Variants in USP24 observed in about 807,000 individuals in gnomAD.
The protein encoded by USP24 is ubiquitin carboxyl-terminal hydrolase 24.
Under a neutral mutation model 361.6 loss-of-function variants are expected in USP24, and 97 were observed. The observed-to-expected ratio is 0.27, with a 90% CI of 0.23 to 0.32. USP24 has a LOEUF of 0.32. USP24 is among the 10% of genes least tolerant of loss of function. The pLI is 1.00. For missense variants in USP24, 2,353 were observed against 3,165.6 expected, an observed-to-expected ratio of 0.74 and a Z score of 6.16; for synonymous variants, 1,098 against 1,124.6, an observed-to-expected ratio of 0.98 and a Z score of 0.47.
chr1:55,085,838 G>A, intron 56 of USP24, 104 bp downstream of exon 56: 4 of 1,192,512 alleles, frequency 3.4e-6, no homozygotes, highest in East Asian at 2.4e-5. Flanking sequence ...TATTTATGTG[G>A]CAAAATTACC....
intron 3 of USP24, among the ~76,000 whole-genome samples, chr1:55,175,638 T>C (rs1188681544): frequency 2.6e-5 from 4 of 152,170 alleles, no homozygotes; most frequent in Admixed American, 2.6e-4. Context: ...AGCAAAAGAA[T>C]CATTCATTGC....
intron 67 of USP24, chr1:55,071,207 A>T (rs1644912553): frequency 1.0e-6 from 1 of 987,076 alleles, no homozygotes; most frequent in South Asian, 4.7e-5. Context: ...ACCACAGAGG[A>T]GACTGCTGTT....
Position 55,101,700 on chromosome 1 carries a change from G to A in USP24, c.5029C>T (p.Leu1677Phe). ...CTGGACCTGCTATCCACTGGGGGAA[G>A]GTACTGGAAAAGAGAGGAATAGAAA... is the stretch of plus-strand genomic sequence containing the variant. ...DPALTKEFDY[L>F]PPVDSRSSSG... The change falls in exon 43 of 68, where the codon CTT becomes TTT. Residue 1677 changes from leucine (L) to phenylalanine (F), a missense_variant. Physicochemically the swap from Leu to Phe is conservative, Grantham distance 22 (BLOSUM62 0). Around this residue, in one of 8 missense-constraint regions of USP24, gnomAD observed 949 missense variants for 1,280.5 expected, o/e 0.74. Transcript: ENST00000294383. 1 of 1,602,032 alleles carries A rather than the reference G, an allele frequency of 6.2e-7. No individual in the cohort carries two copies. Among genetic ancestry groups the A allele is most frequent in the South Asian group, 1.1e-5 (1 of 88,214 alleles).
chr1:55,100,795 AAT>A, intron 44 of USP24, 42 bp downstream of exon 44: 1 of 1,545,328 alleles, frequency 6.5e-7, no homozygotes, highest in Non-Finnish European at 8.7e-7. Context: ...AATGTAGCCA[AAT>A]ATTTAACATC....
chr1:55,110,083 A>G, intron 39 of USP24, 102 bp downstream of exon 39: 1 of 974,040 alleles, frequency 1.0e-6, no homozygotes, highest in Non-Finnish European at 1.5e-6. Flanking sequence ...TTGTAATTGT[A>G]TTTACACCTG....
intron 19 of USP24, among the ~76,000 whole-genome samples, 178 bp downstream of exon 19, chr1:55,146,751 C>T (rs1022439813): frequency 3.9e-5 from 6 of 152,094 alleles, no homozygotes; most frequent in African/African-American, 9.7e-5. Flanking sequence ...AGAACTCATA[C>T]ATTTATTTTT....
At chr1:55,214,302 G>T (rs1644925960) in intron 1 of USP24, among the ~76,000 whole-genome samples, 1 of 151,544 alleles carries the variant, frequency 6.6e-6, no homozygotes, top group South Asian at 2.1e-4. Context: ...GGCCCACACC[G>T]CTTTTTCTGA....
intron 64 of USP24, 110 bp downstream of exon 64, chr1:55,073,718 A>T: frequency 9.7e-7 from 1 of 1,035,036 alleles, no homozygotes; most frequent in Non-Finnish European, 1.5e-6. Flanking sequence ...GCAGGCCCTG[A>T]CTGAGTCAGA....
At chr1:55,078,447 G>T in intron 61 of USP24, 91 bp downstream of exon 61, 1 of 911,420 alleles carries the variant, frequency 1.1e-6, no homozygotes, top group Non-Finnish European at 1.6e-6. Context: ...TAGGCTATGA[G>T]AACAAGCATA....
At chr1:55,201,661 T>C (rs1244283923) in intron 1 of USP24, among the ~76,000 whole-genome samples, 2 of 117,718 alleles carry the variant, frequency 1.7e-5, no homozygotes, top group African/African-American at 7.0e-5. Context: ...AAAGGAACAA[T>C]GCCAATGCAA....
intron 1 of USP24, among the ~76,000 whole-genome samples, chr1:55,181,692 C>T (rs1643971199): frequency 6.6e-6 from 1 of 152,072 alleles, no homozygotes; most frequent in Non-Finnish European, 1.5e-5. Flanking sequence ...ATAAAATCAT[C>T]AAATGTACTC....
intron 21 of USP24, among the ~76,000 whole-genome samples, chr1:55,143,815 G>C (rs756594076): frequency 6.6e-6 from 1 of 152,072 alleles, no homozygotes; most frequent in Non-Finnish European, 1.5e-5. Flanking sequence ...TCGAAGCTTA[G>C]GTGAACTATC....
chr1:55,188,703 A>G (rs924723788), intron 1 of USP24, among the ~76,000 whole-genome samples: 1 of 152,120 alleles, frequency 6.6e-6, no homozygotes, highest in Non-Finnish European at 1.5e-5. Context: ...TCACACCTGT[A>G]ATCCCAGCAC....
intron 29 of USP24, 59 bp from the exon 30 acceptor site, chr1:55,134,222 C>T (rs908617933): frequency 4.4e-6 from 7 of 1,578,774 alleles, no homozygotes; most frequent in African/African-American, 4.1e-5. Flanking sequence ...CAACAAAGTC[C>T]ATTAGTATGG....
intron 26 of USP24, 122 bp downstream of exon 26, chr1:55,138,486 T>C: frequency 4.7e-6 from 3 of 639,614 alleles, no homozygotes; most frequent in Admixed American, 3.0e-5. Flanking sequence ...CAGGTCTTTA[T>C]TCTACATTTG....
intron 26 of USP24, 21 bp from the exon 27 acceptor site, chr1:55,137,925 C>G: frequency 6.4e-7 from 1 of 1,552,240 alleles, no homozygotes; most frequent in South Asian, 1.2e-5. Context: ...AAATTAAACA[C>G]GTTGTGAGAG....
chr1:55,141,010 T>C (rs1646873889), intron 24 of USP24, among the ~76,000 whole-genome samples: 1 of 152,160 alleles, frequency 6.6e-6, no homozygotes, highest in South Asian at 2.1e-4. Flanking sequence ...TGAGACAATG[T>C]CAGTTTAAAG....
At chr1:55,096,719 G>C in intron 49 of USP24, 97 bp from the exon 50 acceptor site, 5 of 1,480,304 alleles carry the variant, frequency 3.4e-6, no homozygotes, top group Non-Finnish European at 3.6e-6. Flanking sequence ...AATAAAGCAG[G>C]TGTTTACCAT....
chr1:55,200,216 A>C (rs917163859), intron 1 of USP24, among the ~76,000 whole-genome samples: 5 of 152,182 alleles, frequency 3.3e-5, no homozygotes, highest in African/African-American at 9.6e-5. Flanking sequence ...TTTGTAGCAG[A>C]CCATTTTCTA....
Sources: gnomAD v4.1 joint callset for allele counts (sites outside exome capture counted in the v4.1 genomes callset) on GRCh38, gnomAD v4.1.1 for gene constraint, gnomAD v4.1.1 regional missense constraint, MANE v1.5 for transcripts, NCBI Gene and HGNC (gene_info 2026-07-23, HGNC 2026-07-21) for gene names.